The following FRMD4A variants were observed in gnomAD, a reference collection of about 807,000 sequenced individuals.
FRMD4A encodes the protein FERM domain-containing protein 4A.
Under a neutral mutation model 129.1 loss-of-function variants are expected in FRMD4A, and 29 were observed. That is an observed-to-expected ratio of 0.22 (90% CI 0.17 to 0.31). The LOEUF (loss-of-function observed/expected upper bound fraction) is 0.31. Ranked by LOEUF, FRMD4A falls within the 10% of genes least tolerant of loss-of-function variation. The pLI is 1.00. For synonymous variants in FRMD4A, 634 were observed against 571.6 expected (o/e 1.11, Z -1.56); for missense variants, 1,272 against 1,375.8 (o/e 0.92, Z 1.19).
intron 15 of FRMD4A, among the ~76,000 whole-genome samples, chr10:13,677,352 G>A (rs987003122): frequency 6.6e-6 from 1 of 152,206 alleles, no homozygotes; most frequent in African/African-American, 2.4e-5. Context: ...AATGTTCACA[G>A]TCATATACTT....
At chr10:13,907,216 T>G (rs995878116) in intron 2 of FRMD4A, among the ~76,000 whole-genome samples, 4 of 152,184 alleles carry the variant, frequency 2.6e-5, no homozygotes, top group African/African-American at 9.7e-5. Context: ...TCTAAGTGTG[T>G]TCTTACAAAG....
chr10:14,120,424 C>A (rs1838442449), intron 2 of FRMD4A, among the ~76,000 whole-genome samples: 2 of 152,156 alleles, frequency 1.3e-5, no homozygotes, highest in African/African-American at 2.4e-5. Flanking sequence ...CTCTAGATGC[C>A]AAGCTTCTTG....
intron 3 of FRMD4A, among the ~76,000 whole-genome samples, chr10:13,836,811 G>C (rs1036978667): frequency 1.1e-4 from 15 of 140,782 alleles, no homozygotes; most frequent in Non-Finnish European, 6.0e-5. Flanking sequence ...AGGCTGGAGT[G>C]CAGTGGCACG....
At chr10:13,825,699 T>TGGAGCAGGAC (rs2093691402) in intron 3 of FRMD4A, among the ~76,000 whole-genome samples, 1 of 152,148 alleles carries the variant, frequency 6.6e-6, no homozygotes, top group Non-Finnish European at 1.5e-5. Context: ...CTGGGCAGGG[T>TGGAGCAGGAC]GGAGCAGGAC....
chr10:14,000,667 A>AAAAAAAAAAAAAAAG (rs200369296), intron 2 of FRMD4A, among the ~76,000 whole-genome samples: 24 of 106,922 alleles, frequency 2.2e-4, no homozygotes, highest in Non-Finnish European at 4.0e-4. Flanking sequence ...AAAAAAAAAA[A>AAAAAAAAAAAAAAAG]AGAGAAGAAA....
chr10:13,999,286 G>A lies in FRMD4A; in HGVS notation c.46-140374C>T, dbSNP rs368069297. ...ACCACTTGACGTACTACCAATTCAC[G>A]AAAGCGCAGACTTAGCTGTGTCTCT... On this transcript the variant is annotated intron_variant, in intron 2 of 24. Transcript: ENST00000357447. Among the ~76,000 whole-genome samples the A allele has an allele frequency of 4.6e-5, 7 of 150,824 alleles. No homozygotes were observed. In the East Asian group the frequency reaches 1.4e-3, roughly 29 times the overall value.
chr10:13,704,490 TC>T (rs199690616), intron 13 of FRMD4A, among the ~76,000 whole-genome samples: 2,135 of 152,042 alleles, frequency 0.014, 20 homozygotes, highest in Non-Finnish European at 0.022. Flanking sequence ...GACATCTATA[TC>T]CCCCTGAGGC....
intron 2 of FRMD4A, among the ~76,000 whole-genome samples, chr10:14,110,653 AAAAC>A (rs1343730666): frequency 6.6e-6 from 1 of 152,124 alleles, no homozygotes; most frequent in African/African-American, 2.4e-5. Context: ...AAAACAAAAC[AAAAC>A]AAAACAAAAA....
chr10:14,118,913 T>C (rs1004939026), intron 2 of FRMD4A, among the ~76,000 whole-genome samples: 3 of 152,142 alleles, frequency 2.0e-5, no homozygotes, highest in African/African-American at 7.2e-5. Context: ...ACTCTCTGGC[T>C]CTCTTGGAAA....
chr10:13,919,266 CAGTTGGGTATTGTTTG>C (rs2095043607), intron 2 of FRMD4A, among the ~76,000 whole-genome samples: 1 of 152,188 alleles, frequency 6.6e-6, no homozygotes, highest in African/African-American at 2.4e-5. Flanking sequence ...GTTTATACTG[CAGTTGGGTATTGTTTG>C]ACTTAGGAAG....
chr10:13,714,648 A>C (rs2088596669), intron 12 of FRMD4A, among the ~76,000 whole-genome samples: 1 of 152,112 alleles, frequency 6.6e-6, no homozygotes, highest in South Asian at 2.1e-4. Context: ...GACATACATA[A>C]AGTAGCTGTA....
At chr10:13,738,564 G>A (rs1056872532) in intron 11 of FRMD4A, among the ~76,000 whole-genome samples, 1 of 152,252 alleles carries the variant, frequency 6.6e-6, no homozygotes, top group African/African-American at 2.4e-5. Flanking sequence ...TGTTGGACAG[G>A]GTAGCACAGT....
intron 2 of FRMD4A, among the ~76,000 whole-genome samples, chr10:14,209,699 C>T (rs184735485): frequency 0.03 from 4,197 of 140,710 alleles, 201 homozygotes; most frequent in African/African-American, 0.11. Context: ...CCAGCCTGGG[C>T]GACAGAGCGA....
chr10:13,708,063 G>T, intron 12 of FRMD4A: 1 of 179,648 alleles, frequency 5.6e-6, no homozygotes, highest in Non-Finnish European at 1.1e-5. Context: ...GCTGGTTACT[G>T]CATCACCTTC....
rs11293134 is a variant in FRMD4A at position 14,200,028 on chromosome 10, G to GT, written c.45+130029dup. ...CCTTGCTTATTTATTAATTTGTTTT[G>GT]TTTTTTTTTTTTTGGAGACAGGGTC... On this transcript the variant is annotated intron_variant, in intron 2 of 24. Transcript: ENST00000357447. Among the ~76,000 whole-genome samples, 73 of 130,472 alleles carry GT rather than the reference G, an allele frequency of 5.6e-4. 2 individuals carry two copies. In the East Asian group the frequency reaches 0.014, roughly 24 times the overall value. The allele number at this position is 130,472 out of a possible 152,430, so 85.6% of individuals were successfully genotyped here.
rs1200336961 is a variant in FRMD4A, at chr10:14,302,768, G to T, written c.45+27290C>A. 2.0e-5 allele frequency among the ~76,000 whole-genome samples: 3 copies of T among 152,118 alleles called. No homozygotes were observed. The East Asian group carries it at 5.8e-4, about 29-fold the overall frequency. On this transcript the variant is annotated intron_variant, in intron 2 of 24. Coordinates refer to ENST00000357447, the MANE Select transcript of FRMD4A (RefSeq NM_018027.5). Reference sequence around the variant, plus strand: ...TAATACTAAGATATCTCATTAGATGGGCAGGAACTGTATACTTGTGCATCC... The same window carrying T: ...TAATACTAAGATATCTCATTAGATGTGCAGGAACTGTATACTTGTGCATCC...
Position 13,657,270 on chromosome 10 carries a change from C to G in FRMD4A, c.2319G>C (p.Glu773Asp), listed in dbSNP as rs761555956. 6.9e-6 allele frequency: 11 copies of G among 1,603,268 alleles called. No individual in the cohort carries two copies. The highest frequency in any genetic ancestry group is 9.3e-6 in the Non-Finnish European group (11 of 1,177,512). The change falls in exon 22 of 25, where the codon GAG becomes GAC. Residue 773 changes from glutamate to aspartate, a missense_variant. Coordinates refer to ENST00000357447, the MANE Select transcript of FRMD4A (RefSeq NM_018027.5). ...TCTGGCGCGCCTTGGACGGCGAGTC[C>G]TCGGCCAGCGTGGAGTAGTTGGCGT... ...QMNANYSTLAEDSPSKARQRQ... is the reference protein window; with the variant it reads ...QMNANYSTLADDSPSKARQRQ...
At chr10:14,043,808 C>T (rs1588856492) in intron 2 of FRMD4A, among the ~76,000 whole-genome samples, 1 of 152,316 alleles carries the variant, frequency 6.6e-6, no homozygotes, top group East Asian at 1.9e-4. Flanking sequence ...AACTAGGTGT[C>T]CGGTCCCAGA....
At chr10:14,216,278 C>G (rs1843073258) in intron 2 of FRMD4A, among the ~76,000 whole-genome samples, 1 of 152,130 alleles carries the variant, frequency 6.6e-6, no homozygotes, top group Non-Finnish European at 1.5e-5. Flanking sequence ...CTAAGCACCC[C>G]GACATTTTAG....
Sources: gnomAD v4.1 joint callset for allele counts (sites outside exome capture counted in the v4.1 genomes callset) on GRCh38, gnomAD v4.1.1 for gene constraint, MANE v1.5 for transcripts, NCBI Gene and HGNC (gene_info 2026-07-23, HGNC 2026-07-21) for gene names.